The following PCDHA13 variants were observed in gnomAD, a reference collection of about 807,000 sequenced individuals.
The protein encoded by PCDHA13 is protocadherin alpha 13.
PCDHA13 carries 54 observed loss-of-function variants against 64.8 expected under a neutral mutation model. The ratio of observed to expected loss-of-function variants is 0.83; its 90% CI spans 0.67 to 1.04. The LOEUF is 1.04. Ranked by LOEUF, PCDHA13 falls within the 50% of genes least tolerant of loss-of-function variation. The pLI is 0.00. For synonymous variants in PCDHA13, 587 were observed against 564.4 expected (o/e 1.04, Z -0.57); for missense variants, 1,248 against 1,254.3 (o/e 0.99, Z 0.08).
intron 1 of PCDHA13, among the ~76,000 whole-genome samples, chr5:140,971,716 A>G (rs1554233565): frequency 1.3e-5 from 2 of 152,026 alleles, no homozygotes; most frequent in African/African-American, 4.8e-5. Context: ...ATATAGATAT[A>G]TGTATATCAT....
intron 1 of PCDHA13, among the ~76,000 whole-genome samples, chr5:140,949,788 G>C (rs2094421903): frequency 6.6e-6 from 1 of 151,684 alleles, no homozygotes; most frequent in Non-Finnish European, 1.5e-5. Context: ...GTTTAGATTT[G>C]TGTCCTTCAA....
At chr5:140,924,715 C>T (rs1258622619) in intron 1 of PCDHA13, among the ~76,000 whole-genome samples, 5 of 151,692 alleles carry the variant, frequency 3.3e-5, no homozygotes, top group African/African-American at 7.3e-5. Context: ...TGCAACATGG[C>T]GAAACCTCAC....
chr5:140,967,725 T>C lies in PCDHA13; in HGVS notation c.2395-11224T>C, dbSNP rs782758957. 16 of 1,613,798 alleles carry C rather than the reference T, an allele frequency of 9.9e-6. No individual in the cohort carries two copies. The East Asian group carries it at 2.0e-4, about 20-fold the overall frequency. On this transcript the variant is annotated intron_variant, in intron 1 of 3. Transcript: ENST00000289272. ...GCCAGTACCGGGGAAGTGCGAGTAA[T>C]TGGGGGGCTGGATTATGAGGAAGCC...
intron 1 of PCDHA13, chr5:140,967,270 C>G (rs782562333): frequency 6.2e-7 from 1 of 1,613,488 alleles, no homozygotes; most frequent in Non-Finnish European, 8.5e-7. Context: ...CGCGCTTTCA[C>G]ATAGAGAGTG....
intron 3 of PCDHA13, among the ~76,000 whole-genome samples, chr5:141,000,804 G>A (rs2097964510): frequency 6.6e-6 from 1 of 151,886 alleles, no homozygotes; most frequent in African/African-American, 2.4e-5. Flanking sequence ...CTACTCAGAA[G>A]GCTGAGGTGG....
chr5:140,926,704 T>C (rs1481559865), intron 1 of PCDHA13: 7 of 842,670 alleles, frequency 8.3e-6, no homozygotes, highest in Non-Finnish European at 1.2e-5. Context: ...GGCTCCCAGC[T>C]GGCCAGCCCC....
chr5:140,904,150 C>T (rs1005130566), intron 1 of PCDHA13, among the ~76,000 whole-genome samples: 1 of 152,036 alleles, frequency 6.6e-6, no homozygotes, highest in Non-Finnish European at 1.5e-5. Context: ...GTATACATTG[C>T]ACCCAGTTTG....
At chr5:140,924,901 A>AAAAATAAAAT (rs10667761) in intron 1 of PCDHA13, among the ~76,000 whole-genome samples, 205 of 80,488 alleles carry the variant, frequency 2.5e-3, no homozygotes, top group South Asian at 0.019. Flanking sequence ...TCTCAAAAAA[A>AAAAATAAAAT]AAAATAAAAT....
intron 1 of PCDHA13, among the ~76,000 whole-genome samples, chr5:140,973,570 T>C (rs1211629419): frequency 6.6e-6 from 1 of 152,232 alleles, no homozygotes; most frequent in Non-Finnish European, 1.5e-5. Flanking sequence ...CCTCAATTTT[T>C]CTACAGACTG....
At position 141,011,460 on chromosome 5, in the gene PCDHA13, T is replaced by G. The variant is rs1285322141; in HGVS notation, c.*1523T>G. 6.5e-6 allele frequency: 1 copy of G among 153,832 alleles called. No homozygotes were observed. The highest frequency in any genetic ancestry group is 2.4e-5 in the African/African-American group (1 of 41,470). 9.5% of individuals were successfully genotyped at this position (153,832 alleles called of 1,614,324 possible). On this transcript the variant is annotated 3_prime_UTR_variant, in exon 4 of 4. Coordinates refer to ENST00000289272, the MANE Select transcript of PCDHA13 (RefSeq NM_018904.3). The stretch of plus-strand genomic sequence containing the variant: ...TAGAGTGAACTTTAAGCTTTATTGT[T>G]GAATGTAATTCCATTATATTTCCTT...
At chr5:140,957,549 C>G (rs563057107) in intron 1 of PCDHA13, among the ~76,000 whole-genome samples, 1 of 152,156 alleles carries the variant, frequency 6.6e-6, no homozygotes, top group South Asian at 2.1e-4. Context: ...AAAGTATTCT[C>G]TGTGGAAAAG....
intron 1 of PCDHA13, chr5:140,928,782 T>C (rs2085522837): frequency 6.2e-7 from 1 of 1,614,030 alleles, no homozygotes; most frequent in East Asian, 2.2e-5. Context: ...CTGATGCAGT[T>C]AAGCAGAGGG....
intron 1 of PCDHA13, among the ~76,000 whole-genome samples, chr5:140,960,147 T>C (rs2095529138): frequency 6.6e-6 from 1 of 152,322 alleles, no homozygotes; most frequent in Admixed American, 6.5e-5. Context: ...TATTAATAGC[T>C]TGAGACTGAT....
intron 1 of PCDHA13, among the ~76,000 whole-genome samples, chr5:140,918,211 C>T (rs1554198470): frequency 6.6e-6 from 1 of 152,046 alleles, no homozygotes; most frequent in African/African-American, 2.4e-5. Context: ...TGTTGGTGTA[C>T]AGAAATGCTG....
intron 3 of PCDHA13, among the ~76,000 whole-genome samples, chr5:140,994,425 G>A (rs769335292): frequency 5.3e-5 from 8 of 152,118 alleles, no homozygotes; most frequent in African/African-American, 1.7e-4. Context: ...TATTGAGGCC[G>A]GGCGCAGTGG....
At chr5:140,918,232 A>G (rs2078581718) in intron 1 of PCDHA13, among the ~76,000 whole-genome samples, 1 of 152,166 alleles carries the variant, frequency 6.6e-6, no homozygotes, top group African/African-American at 2.4e-5. Flanking sequence ...ATTTTTGTAC[A>G]TTGATTTTGT....
chr5:140,927,011 C>T, intron 1 of PCDHA13: 1 of 1,612,606 alleles, frequency 6.2e-7, no homozygotes, highest in Non-Finnish European at 8.5e-7. Context: ...GGCAATCTCT[C>T]CGCGGACTTG....
intron 1 of PCDHA13, among the ~76,000 whole-genome samples, chr5:140,971,432 A>G (rs1446143040): frequency 6.6e-6 from 1 of 152,226 alleles, no homozygotes; most frequent in African/African-American, 2.4e-5. Context: ...AAGAACCCCA[A>G]GATCTACAGC....
chr5:140,908,456 T>C (rs557022321), intron 1 of PCDHA13, among the ~76,000 whole-genome samples: 2 of 152,174 alleles, frequency 1.3e-5, no homozygotes, highest in South Asian at 4.1e-4. Context: ...GCTAGATGGA[T>C]CAGAAAGCAC....
Sources: gnomAD v4.1 joint callset for allele counts (sites outside exome capture counted in the v4.1 genomes callset) on GRCh38, gnomAD v4.1.1 for gene constraint, MANE v1.5 for transcripts, NCBI Gene and HGNC (gene_info 2026-07-23, HGNC 2026-07-21) for gene names.